MAML1: variants seen among roughly 807,000 people sequenced by gnomAD.
MAML1 encodes mastermind-like protein 1.
A neutral mutation model predicts 77.1 loss-of-function variants in MAML1; 14 were observed. That is an observed-to-expected ratio of 0.18 (90% CI 0.12 to 0.28). MAML1 has a LOEUF of 0.28. Among genes scored for constraint, MAML1 ranks in the 10% least tolerant of loss-of-function variants. The pLI is 1.00. For missense variants in MAML1, 1,217 were observed against 1,327.8 expected, an observed-to-expected ratio of 0.92 and a Z score of 1.30; for synonymous variants, 516 against 551.9, an observed-to-expected ratio of 0.93 and a Z score of 0.91.
chr5:179,751,236 G>A (rs564921349), intron 1 of MAML1, among the ~76,000 whole-genome samples: 3 of 151,620 alleles, frequency 2.0e-5, no homozygotes, highest in African/African-American at 7.2e-5. Context: ...GCCTCCTAAA[G>A]TGCTGGGATT....
intron 4 of MAML1, among the ~76,000 whole-genome samples, chr5:179,772,697 C>T (rs1487106233): frequency 6.6e-6 from 1 of 152,100 alleles, no homozygotes; most frequent in Non-Finnish European, 1.5e-5. Context: ...CTTTGGCCAC[C>T]TTGTCATTTC....
At chr5:179,748,792 A>G (rs1779430951) in intron 1 of MAML1, among the ~76,000 whole-genome samples, 1 of 152,232 alleles carries the variant, frequency 6.6e-6, no homozygotes, top group Non-Finnish European at 1.5e-5. Context: ...GTCACATATC[A>G]AGAATCAGAA....
At chr5:179,749,654 G>C (rs1779448865) in intron 1 of MAML1, among the ~76,000 whole-genome samples, 1 of 152,230 alleles carries the variant, frequency 6.6e-6, no homozygotes, top group South Asian at 2.1e-4. Flanking sequence ...TCATGAAAGA[G>C]TAAGACACAG....
chr5:179,763,609 A>G (rs910151037), intron 1 of MAML1, among the ~76,000 whole-genome samples: 1 of 152,194 alleles, frequency 6.6e-6, no homozygotes, highest in African/African-American at 2.4e-5. Flanking sequence ...GAACATTAGA[A>G]TTGGGGATTA....
Position 179,766,387 on chromosome 5 carries a change from C to A in MAML1, c.1377C>A (p.Phe459Leu), listed in dbSNP as rs1425565746. Reference protein sequence around the residue: ...PASPSSYKQDFTNSKLLMMPS... With the variant: ...PASPSSYKQDLTNSKLLMMPS... Reference sequence around the variant, plus strand: ...GCCCTTCCAGCTACAAGCAAGACTTCACTAACTCCAAACTGCTCATGATGC... The same window carrying A: ...GCCCTTCCAGCTACAAGCAAGACTTAACTAACTCCAAACTGCTCATGATGC... Residue 459 changes from phenylalanine to leucine, a missense_variant, in exon 2 of 5, where the codon TTC becomes TTA. Phe to Leu is a conservative substitution (Grantham distance 22). Transcript: ENST00000292599. The surrounding 1 kb of genome is among the most constrained non-coding windows in gnomAD (Gnocchi z 4.0). 2 of 1,610,288 alleles carry A rather than the reference C, an allele frequency of 1.2e-6. No homozygotes were observed. Among genetic ancestry groups the A allele is most frequent in the African/African-American group, 2.7e-5 (2 of 74,956 alleles).
At position 179,733,273 on chromosome 5, in the gene MAML1, A is replaced by G. The variant is rs1225093857; in HGVS notation, c.161A>G (p.Gln54Arg). ...VSPERLELERQHTFALHQRCI... is the reference protein window; with the variant it reads ...VSPERLELERRHTFALHQRCI... The stretch of plus-strand genomic sequence containing the variant: ...CCCGAGCGCCTGGAGCTGGAGCGCC[A>G]ACACACCTTCGCCCTGCACCAGCGC... Residue 54 changes from glutamine (Q) to arginine (R), a missense_variant, in exon 1 of 5, where the codon CAA becomes CGA. Around this residue, in one of 3 missense-constraint regions of MAML1, gnomAD observed 312 missense variants for 331.4 expected, o/e 0.94. Coordinates refer to ENST00000292599, the MANE Select transcript of MAML1 (RefSeq NM_014757.5). The G allele has an allele frequency of 2.7e-6, 4 of 1,461,496 alleles. No individual in the cohort carries two copies. The highest frequency in any genetic ancestry group is 3.6e-6 in the Non-Finnish European group (4 of 1,108,796). The allele number at this position is 1,461,496 out of a possible 1,614,324, so 90.5% of individuals were successfully genotyped here.
At chr5:179,736,140 C>G (rs1042606670) in intron 1 of MAML1, among the ~76,000 whole-genome samples, 5 of 152,186 alleles carry the variant, frequency 3.3e-5, no homozygotes, top group African/African-American at 1.2e-4. Flanking sequence ...TTGATAGAAA[C>G]TTGGTAGTGC....
chr5:179,745,852 T>C (rs1581927695), intron 1 of MAML1, among the ~76,000 whole-genome samples: 1 of 75,128 alleles, frequency 1.3e-5, no homozygotes, highest in Non-Finnish European at 2.4e-5. Context: ...AGAGCGCAAC[T>C]CCGTCTCAAA....
At chr5:179,746,966 C>T (rs1779394333) in intron 1 of MAML1, among the ~76,000 whole-genome samples, 2 of 152,152 alleles carry the variant, frequency 1.3e-5, no homozygotes, top group Admixed American at 6.6e-5. Context: ...TATTTCCCAG[C>T]CGCCTACCCC....
intron 1 of MAML1, among the ~76,000 whole-genome samples, chr5:179,735,751 G>A (rs1476535206): frequency 6.6e-6 from 1 of 151,536 alleles, no homozygotes; most frequent in Non-Finnish European, 1.5e-5. Flanking sequence ...GTAGTGACAT[G>A]ATTTCTGCTC....
At chr5:179,737,282 G>A (rs139131405) in intron 1 of MAML1, among the ~76,000 whole-genome samples, 28 of 152,190 alleles carry the variant, frequency 1.8e-4, no homozygotes, top group Admixed American at 5.2e-4. Context: ...GAAGAGGGAC[G>A]CTTTGCATTT....
intron 1 of MAML1, among the ~76,000 whole-genome samples, chr5:179,749,359 C>T (rs1468159386): frequency 1.3e-5 from 2 of 152,158 alleles, no homozygotes; most frequent in East Asian, 3.9e-4. Context: ...CTCCCAACCT[C>T]AAGTGATCCG....
chr5:179,764,197 C>A (rs28611085), intron 1 of MAML1, among the ~76,000 whole-genome samples: 141,656 of 152,180 alleles, frequency 0.93, 66,801 homozygotes, highest in East Asian at 1. Context: ...AAAGCCCACC[C>A]GAGGAGGAGC....
rs768272348 is a variant in MAML1 at position 179,768,918 on chromosome 5, G to T, written c.1800G>T (p.Val600=). 9 of 1,614,018 alleles carry T rather than the reference G, an allele frequency of 5.6e-6. No individual in the cohort carries two copies. The Admixed American group carries it at 1.0e-4, about 18-fold the overall frequency. Residue 600 remains valine (V), a synonymous_variant, in exon 3 of 5, where the codon GTG becomes GTT. Coordinates refer to ENST00000292599, the MANE Select transcript of MAML1 (RefSeq NM_014757.5). The stretch of plus-strand genomic sequence containing the variant: ...GTGTTGGGACCCAGCCGCCTGCCGT[G>T]TCCGTGGCCAGCTCCCACAACAGCT... The part of the protein sequence containing the change: ...ATSVGTQPPA[V]SVASSHNSSP...
intron 1 of MAML1, among the ~76,000 whole-genome samples, chr5:179,752,350 A>AAT (rs1554150145): frequency 0.24 from 15,925 of 66,558 alleles, 2,240 homozygotes; most frequent in Non-Finnish European, 0.29. Flanking sequence ...AAAAAAAAAA[A>AAT]ATATATATAT....
intron 1 of MAML1, among the ~76,000 whole-genome samples, chr5:179,751,335 A>G (rs1364736058): frequency 6.6e-6 from 1 of 152,232 alleles, no homozygotes; most frequent in Non-Finnish European, 1.5e-5. Context: ...GTTCTTAAGC[A>G]CGTGGAATGC....
intron 1 of MAML1, among the ~76,000 whole-genome samples, chr5:179,742,428 G>A (rs1779300506): frequency 6.6e-6 from 1 of 151,998 alleles, no homozygotes; most frequent in East Asian, 1.9e-4. Flanking sequence ...ACCGGAGGTT[G>A]CAGTGAGCCG....
intron 1 of MAML1, among the ~76,000 whole-genome samples, chr5:179,747,307 T>A (rs1355719701): frequency 6.6e-6 from 1 of 152,216 alleles, no homozygotes; most frequent in Non-Finnish European, 1.5e-5. Context: ...GAAGGTGCTC[T>A]GAAGTGAGAG....
chr5:179,761,845 A>G (rs1475167444), intron 1 of MAML1, among the ~76,000 whole-genome samples: 1 of 151,960 alleles, frequency 6.6e-6, no homozygotes, highest in Non-Finnish European at 1.5e-5. Flanking sequence ...GCAGTTCTCA[A>G]CTCCTCCCTT....
Sources: allele counts gnomAD v4.1 joint callset (sites outside exome capture counted in the v4.1 genomes callset), GRCh38; gene constraint gnomAD v4.1.1; regional missense constraint gnomAD v4.1.1; non-coding constraint Gnocchi (gnomAD v3.1); transcripts MANE v1.5; gene names NCBI Gene and HGNC (gene_info 2026-07-23, HGNC 2026-07-21).